The following ASH1L variants were observed in gnomAD, a reference collection of about 807,000 sequenced individuals.
ASH1L encodes the protein ASH1 like histone lysine methyltransferase.
Under a neutral mutation model 269.0 loss-of-function variants are expected in ASH1L, and 23 were observed. The observed-to-expected ratio is 0.09, with a 90% CI of 0.06 to 0.12. ASH1L has a LOEUF of 0.12. ASH1L is among the 10% of genes least tolerant of loss of function. The pLI is 1.00. For missense variants in ASH1L, 2,912 were observed against 3,567.8 expected, an observed-to-expected ratio of 0.82 and a Z score of 4.68; for synonymous variants, 1,187 against 1,253.5, an observed-to-expected ratio of 0.95 and a Z score of 1.12.
intron 6 of ASH1L, among the ~76,000 whole-genome samples, chr1:155,397,135 A>G (rs546929522): frequency 1.6e-4 from 24 of 151,286 alleles, no homozygotes; most frequent in African/African-American, 5.1e-4. Context: ...AAAAAAAGAA[A>G]AAAAAAAAAA....
Position 155,357,718 on chromosome 1 carries a change from C to T in ASH1L, c.6827G>A (p.Arg2276Gln), listed in dbSNP as rs778226620. The change falls in exon 14 of 28, where the codon CGA becomes CAA. Residue 2276 changes from arginine (R) to glutamine (Q), a missense_variant. Transcript: ENST00000392403. ...QLCKCGFEKC[R>Q]GIIGGKSQRV... is the part of the protein sequence containing the mutation. ...CTGACTCTTGCCTCCGATGATTCCT[C>T]GACATTTCTCAAAGCCACACTTACA... 1.2e-5 allele frequency: 19 copies of T among 1,613,666 alleles called. No homozygotes were observed. The highest frequency in any genetic ancestry group is 2.2e-5 in the East Asian group (1 of 44,890).
At chr1:155,386,835 C>T (rs73008968) in intron 7 of ASH1L, among the ~76,000 whole-genome samples, 7,967 of 152,164 alleles carry the variant, frequency 0.052, 700 homozygotes, top group African/African-American at 0.18. Flanking sequence ...TATTTTGCTG[C>T]GCAGAAGTTC....
chr1:155,523,965 T>A (rs1424354440), intron 1 of ASH1L, among the ~76,000 whole-genome samples: 1 of 152,206 alleles, frequency 6.6e-6, no homozygotes, highest in African/African-American at 2.4e-5. Context: ...TTGTTATTGC[T>A]CCATTCAATC....
chr1:155,485,235 G>A (rs1167957275), intron 2 of ASH1L, among the ~76,000 whole-genome samples: 4 of 139,342 alleles, frequency 2.9e-5, no homozygotes, highest in South Asian at 4.7e-4. Flanking sequence ...CAGCCTGGGC[G>A]AAAGAGCGAG....
intron 2 of ASH1L, among the ~76,000 whole-genome samples, chr1:155,491,817 GACCCA>G (rs1390753868): frequency 6.6e-6 from 1 of 151,610 alleles, no homozygotes; most frequent in African/African-American, 2.4e-5. Context: ...GGTTTACAGG[GACCCA>G]CCACCACGTC....
chr1:155,389,090 C>T (rs1211693078), intron 7 of ASH1L, among the ~76,000 whole-genome samples: 1 of 151,668 alleles, frequency 6.6e-6, no homozygotes, highest in Non-Finnish European at 1.5e-5. Flanking sequence ...ATTGCAACCT[C>T]CACCTCCTGA....
rs1388978790 is a variant in ASH1L, at chr1:155,480,549, A to T, written c.2321T>A (p.Phe774Tyr). 1 of 1,614,120 alleles carries T rather than the reference A, an allele frequency of 6.2e-7. No individual in the cohort carries two copies. The highest frequency in any genetic ancestry group is 1.1e-5 in the South Asian group (1 of 91,080). The part of the protein sequence containing the change: ...IGPPSFVDHD[F>Y]LKRRLPKLSK... Reference sequence around the variant, plus strand: ...CAACTTTGGCAATCGGCGTTTAAGGAAGTCATGATCTACAAATGAAGGGGG... The same window carrying T: ...CAACTTTGGCAATCGGCGTTTAAGGTAGTCATGATCTACAAATGAAGGGGG... The change falls in exon 3 of 28, where the codon TTC becomes TAC. Residue 774 changes from phenylalanine (F) to tyrosine (Y), a missense_variant. By Grantham distance (22) the Phe-to-Tyr change is conservative (BLOSUM62 3). Transcript: ENST00000392403.
At chr1:155,400,551 A>G (rs1483685321) in intron 6 of ASH1L, among the ~76,000 whole-genome samples, 5 of 152,186 alleles carry the variant, frequency 3.3e-5, no homozygotes, top group Non-Finnish European at 7.3e-5. Flanking sequence ...GGGTTGCCCA[A>G]ATCAATAACT....
chr1:155,354,441 C>CT (rs1200505838), intron 16 of ASH1L, 32 bp downstream of exon 16: 5 of 1,593,092 alleles, frequency 3.1e-6, no homozygotes, highest in Non-Finnish European at 4.3e-6. Context: ...GAAACTCTGT[C>CT]TCAAAAAAAA....
chr1:155,360,735 G>A (rs780118331), intron 12 of ASH1L, among the ~76,000 whole-genome samples: 21 of 152,046 alleles, frequency 1.4e-4, no homozygotes, highest in Non-Finnish European at 2.6e-4. Flanking sequence ...GAGCCACCAC[G>A]CCTGGCCTCC....
intron 2 of ASH1L, among the ~76,000 whole-genome samples, chr1:155,488,399 C>T (rs939681531): frequency 6.7e-6 from 1 of 149,926 alleles, no homozygotes; most frequent in Non-Finnish European, 1.5e-5. Context: ...GTGGCTCATG[C>T]CTGTAATCCC....
rs779246030 is a variant in ASH1L, at chr1:155,433,710, A to G, written c.5828+4617T>C. ...CTCACCCTGGGGGTTCTATTTGGGAAGGTGTTCAGCCAAACGACCATCTGC... is the reference window on the plus strand; with the variant it reads ...CTCACCCTGGGGGTTCTATTTGGGAGGGTGTTCAGCCAAACGACCATCTGC... On this transcript the variant is annotated intron_variant, in intron 5 of 27. Transcript: ENST00000392403. 29 of 1,600,734 alleles carry G rather than the reference A, an allele frequency of 1.8e-5. No individual in the cohort carries two copies. In the Middle Eastern group the frequency reaches 4.9e-4, roughly 27 times the overall value.
chr1:155,556,440 A>ATG (rs1193931860), intron 1 of ASH1L, among the ~76,000 whole-genome samples: 1 of 112,078 alleles, frequency 8.9e-6, no homozygotes, highest in African/African-American at 3.2e-5. Flanking sequence ...GTGTGTGTGT[A>ATG]TGTGTATATA....
chr1:155,352,871 A>G lies in ASH1L; in HGVS notation c.7214-13T>C, dbSNP rs1654053858. 1 of 1,584,268 alleles carries G rather than the reference A, an allele frequency of 6.3e-7. No homozygotes were observed. The highest frequency in any genetic ancestry group is 8.6e-7 in the Non-Finnish European group (1 of 1,168,636). On this transcript the variant is annotated splice_polypyrimidine_tract_variant and intron_variant, in intron 16 of 27. Coordinates refer to ENST00000392403, the MANE Select transcript of ASH1L (RefSeq NM_018489.3). ...GTCATGAAGACATCTGGAAAAATAAAGTGAAAATTAAGTTACAGGAAACAA... is the reference window on the plus strand; with the variant it reads ...GTCATGAAGACATCTGGAAAAATAAGGTGAAAATTAAGTTACAGGAAACAA...
intron 12 of ASH1L, among the ~76,000 whole-genome samples, chr1:155,365,372 AT>A (rs142145021): frequency 1.7e-3 from 213 of 124,234 alleles, no homozygotes; most frequent in Middle Eastern, 4.5e-3. Flanking sequence ...TGCCCGGCTG[AT>A]TTTTTTTTTT....
At chr1:155,553,988 G>T (rs1671400958) in intron 1 of ASH1L, among the ~76,000 whole-genome samples, 1 of 151,596 alleles carries the variant, frequency 6.6e-6, no homozygotes, top group African/African-American at 2.4e-5. Context: ...GTGGAGATGG[G>T]GTTTCACCAT....
chr1:155,422,354 G>A (rs1660764517), intron 5 of ASH1L, among the ~76,000 whole-genome samples: 3 of 149,360 alleles, frequency 2.0e-5, no homozygotes, highest in Admixed American at 2.0e-4. Flanking sequence ...TGTAGCCCAG[G>A]CTGGAGTGCA....
chr1:155,354,075 T>C (rs758790902), intron 16 of ASH1L, among the ~76,000 whole-genome samples: 81 of 152,234 alleles, frequency 5.3e-4, no homozygotes, highest in African/African-American at 2.0e-3. Context: ...ATAACTTTTT[T>C]GGTCAATACT....
chr1:155,475,667 T>G (rs112763433), intron 3 of ASH1L, among the ~76,000 whole-genome samples: 1,838 of 152,318 alleles, frequency 0.012, 51 homozygotes, highest in African/African-American at 0.042. Flanking sequence ...GCATTTACTA[T>G]TGTATATGCC....
Sources: allele counts gnomAD v4.1 joint callset (sites outside exome capture counted in the v4.1 genomes callset), GRCh38; gene constraint gnomAD v4.1.1; transcripts MANE v1.5; gene names NCBI Gene and HGNC (gene_info 2026-07-23, HGNC 2026-07-21).